Variants in PPP1R37 observed in about 807,000 individuals in gnomAD.
PPP1R37 encodes leucine rich repeat containing 68.
A neutral mutation model predicts 61.0 loss-of-function variants in PPP1R37; 21 were observed. The ratio of observed to expected loss-of-function variants is 0.34; its 90% CI spans 0.24 to 0.50. The LOEUF is 0.50. Ranked by LOEUF, PPP1R37 falls within the 20% of genes least tolerant of loss-of-function variation. The pLI is 0.98. For missense variants in PPP1R37, 910 were observed against 952.7 expected, an observed-to-expected ratio of 0.96 and a Z score of 0.59; for synonymous variants, 443 against 433.5, an observed-to-expected ratio of 1.02 and a Z score of -0.27.
intron 1 of PPP1R37, among the ~76,000 whole-genome samples, chr19:45,124,703 G>C (rs1968379832): frequency 6.6e-6 from 1 of 151,928 alleles, no homozygotes; most frequent in African/African-American, 2.4e-5. Flanking sequence ...GCTCACACCT[G>C]TAATCCCAAC....
chr19:45,106,807 CTTTTTTTTTTTT>C (rs927426410), intron 1 of PPP1R37, among the ~76,000 whole-genome samples: 5 of 78,112 alleles, frequency 6.4e-5, no homozygotes, highest in Non-Finnish European at 7.4e-5. Context: ...TGTTGAGCAT[CTTTTTTTTTTTT>C]TTTTTTTTTT....
At chr19:45,140,373 G>T (rs1413468752) in intron 3 of PPP1R37, 92 bp downstream of exon 3, 4 of 1,372,214 alleles carry the variant, frequency 2.9e-6, no homozygotes, top group Admixed American at 4.0e-5. Flanking sequence ...TGGGGTTAGC[G>T]GCTTCTGGAG....
At chr19:45,100,010 C>T (rs1416595964) in intron 1 of PPP1R37, 1 of 152,236 alleles carries the variant, frequency 6.6e-6, no homozygotes, top group East Asian at 1.9e-4. Flanking sequence ...TACTGGGGCT[C>T]TGCGAACCTT....
intron 1 of PPP1R37, among the ~76,000 whole-genome samples, chr19:45,106,352 C>T (rs1459436475): frequency 6.6e-6 from 1 of 151,984 alleles, no homozygotes; most frequent in East Asian, 1.9e-4. Flanking sequence ...AGCGATTCTC[C>T]TGCCTCAGCC....
chr19:45,128,096 TAATAA>T (rs1427517003), intron 1 of PPP1R37, among the ~76,000 whole-genome samples: 1 of 152,164 alleles, frequency 6.6e-6, no homozygotes, highest in Non-Finnish European at 1.5e-5. Flanking sequence ...AATTATGTAT[TAATAA>T]AATTAAACAT....
chr19:45,138,600 A>AGGCAGCTGCAGGTAT lies in PPP1R37; in HGVS notation c.292_300+6dup. ...CTGCAGGCAGATCCCCAAGCTCCTC[A>AGGCAGCTGCAGGTAT]GGCAGCTGCAGGTATGGGCGGGACA... On this transcript the variant is annotated inframe_insertion, in exon 2 of 13. Transcript: ENST00000221462. 1.7e-6 allele frequency: 2 copies of AGGCAGCTGCAGGTAT among 1,168,918 alleles called. No homozygotes were observed. The highest frequency in any genetic ancestry group is 2.3e-6 in the Non-Finnish European group (2 of 854,876). The allele number at this position is 1,168,918 out of a possible 1,614,324, so 72.4% of individuals were successfully genotyped here.
chr19:45,097,362 C>T (rs913178899), intron 1 of PPP1R37, among the ~76,000 whole-genome samples: 4 of 151,902 alleles, frequency 2.6e-5, no homozygotes, highest in East Asian at 1.9e-4. Context: ...GCTGTTGTGC[C>T]GTGCTAGAGA....
At chr19:45,106,160 G>A (rs947562684) in intron 1 of PPP1R37, among the ~76,000 whole-genome samples, 1 of 152,158 alleles carries the variant, frequency 6.6e-6, no homozygotes, top group Non-Finnish European at 1.5e-5. Flanking sequence ...AGAGAGGGGC[G>A]GCACTTACCC....
In PPP1R37 at chr19:45,130,444, G is replaced by A. The variant is rs912885865; in HGVS notation, c.203-8070G>A. Among the ~76,000 whole-genome samples, 2 of 152,044 alleles carry A rather than the reference G, an allele frequency of 1.3e-5. No individual in the cohort carries two copies. The highest frequency in any genetic ancestry group is 2.1e-4 in the South Asian group (1 of 4,804). ...TCCCCTCCCGGTGTGCTTTGGCGCC[G>A]AGCCTGCTCCCACCGTCACACTTAA... On this transcript the variant is annotated intron_variant, in intron 1 of 12. Transcript: ENST00000221462. The surrounding 1 kb of genome is among the most constrained non-coding windows in gnomAD (Gnocchi z 4.4).
intron 1 of PPP1R37, among the ~76,000 whole-genome samples, chr19:45,099,871 C>T (rs1968040602): frequency 1.3e-5 from 2 of 152,222 alleles, no homozygotes; most frequent in African/African-American, 2.4e-5. Context: ...TTCTCAGGGA[C>T]CTACAGACAG....
In PPP1R37 at chr19:45,146,235, T is replaced by TGCG. The variant is rs1293793669; in HGVS notation, c.1994-154_1994-153insCGG. 268 of 871,874 alleles carry TGCG rather than the reference T, an allele frequency of 3.1e-4. 2 individuals carry two copies. In the African/African-American group the frequency reaches 4.8e-3, roughly 16 times the overall value. The allele number at this position is 871,874 out of a possible 1,614,324, so 54.0% of individuals were successfully genotyped here. A position where few individuals can be genotyped will look rare whatever the true frequency, so the allele number is the denominator to read the frequency against. On this transcript the variant is annotated intron_variant, in intron 11 of 12. Transcript: ENST00000221462. ...TGGGTCCTGGGAGCTCTTCCTGGGG[T>TGCG]GGGGGGGCATGTAAGGTGTGCTGCC...
chr19:45,143,832 ATC>A (rs1968646303), intron 8 of PPP1R37, 199 bp downstream of exon 8: 2 of 462,714 alleles, frequency 4.3e-6, no homozygotes, highest in African/African-American at 4.2e-5. Flanking sequence ...TTCTTTCATT[ATC>A]TCCTTTTTTT....
At chr19:45,132,257 A>C (rs1968486989) in intron 1 of PPP1R37, among the ~76,000 whole-genome samples, 1 of 152,138 alleles carries the variant, frequency 6.6e-6, no homozygotes, top group Non-Finnish European at 1.5e-5. Context: ...GATTTACTGC[A>C]TGCTGGAAAA....
In PPP1R37 at chr19:45,093,244, C is replaced by T; in HGVS notation, c.-82C>T. On this transcript the variant is annotated 5_prime_UTR_variant, in exon 1 of 13. Transcript: ENST00000221462. ...TGAAGCGGCGGCGGAGCCCATGCCC[C>T]GGGACGGCGGGCGGACCCGGAGAGA... 3.5e-6 allele frequency: 4 copies of T among 1,157,264 alleles called. No homozygotes were observed. The highest frequency in any genetic ancestry group is 4.5e-6 in the Non-Finnish European group (4 of 891,286). 71.7% of individuals were successfully genotyped at this position (1,157,264 alleles called of 1,614,324 possible).
rs1302668430 is a variant in PPP1R37 at position 45,145,882 on chromosome 19, C to T, written c.1826C>T (p.Ala609Val). Residue 609 changes from alanine to valine, a missense_variant, in exon 11 of 13, where the codon GCC becomes GTC. Ala to Val is a moderately conservative substitution (Grantham distance 64). Around this residue, in one of 3 missense-constraint regions of PPP1R37, gnomAD observed 549 missense variants for 505.1 expected, o/e 1.09. Coordinates refer to ENST00000221462, the MANE Select transcript of PPP1R37 (RefSeq NM_019121.2). ...TCACCTTCCCTACCACCAGCCGGGG[C>T]CATTGACACCCGGGACACAGGGTCC... ...PASPSLPPAGAIDTRDTGSSE... is the reference protein window; with the variant it reads ...PASPSLPPAGVIDTRDTGSSE... 1 of 1,529,544 alleles carries T rather than the reference C, an allele frequency of 6.5e-7. No individual in the cohort carries two copies. Among genetic ancestry groups the T allele is most frequent in the East Asian group, 2.5e-5 (1 of 40,550 alleles). The allele number at this position is 1,529,544 out of a possible 1,614,324, so 94.7% of individuals were successfully genotyped here.
In PPP1R37 at chr19:45,141,529, C is replaced by T. The variant is rs573278846; in HGVS notation, c.567+88C>T. 2.0e-5 allele frequency: 29 copies of T among 1,443,914 alleles called. No individual in the cohort carries two copies. In the African/African-American group the frequency reaches 3.8e-4, roughly 19 times the overall value. The allele number at this position is 1,443,914 out of a possible 1,614,324, so 89.4% of individuals were successfully genotyped here. A position where few individuals can be genotyped will look rare whatever the true frequency, so the allele number is the denominator to read the frequency against. ...TCAGGGCATGGCCCGTAGGCTCTGA[C>T]TGCATGAGCTCTTGAGTGTGGGCTG... On this transcript the variant is annotated intron_variant, in intron 5 of 12. Coordinates refer to ENST00000221462, the MANE Select transcript of PPP1R37 (RefSeq NM_019121.2).
intron 1 of PPP1R37, among the ~76,000 whole-genome samples, chr19:45,114,420 G>A (rs1197964626): frequency 6.6e-6 from 1 of 152,222 alleles, no homozygotes; most frequent in Non-Finnish European, 1.5e-5. Flanking sequence ...CCCTCCTGGT[G>A]TCTGGAACAG....
chr19:45,109,788 G>A (rs767771991), intron 1 of PPP1R37, among the ~76,000 whole-genome samples: 1 of 152,204 alleles, frequency 6.6e-6, no homozygotes, highest in African/African-American at 2.4e-5. Flanking sequence ...GTCATGTGCT[G>A]TTTCCTTCCA....
At chr19:45,142,253 G>T (rs1205883703) in intron 6 of PPP1R37, 42 bp downstream of exon 6, 25 of 1,534,052 alleles carry the variant, frequency 1.6e-5, no homozygotes, top group Non-Finnish European at 1.8e-5. Context: ...TGTGCAGCCT[G>T]TTGGGGGGCA....
Sources: gnomAD v4.1 joint callset for allele counts (sites outside exome capture counted in the v4.1 genomes callset) on GRCh38, gnomAD v4.1.1 for gene constraint, gnomAD v4.1.1 regional missense constraint, Gnocchi (gnomAD v3.1) non-coding constraint, MANE v1.5 for transcripts, NCBI Gene and HGNC (gene_info 2026-07-23, HGNC 2026-07-21) for gene names.